The following SLC12A6 variants were observed in gnomAD, a reference collection of about 807,000 sequenced individuals.
SLC12A6 encodes solute carrier family 12 member 6.
Under a neutral mutation model 135.3 loss-of-function variants are expected in SLC12A6, and 66 were observed. That is an observed-to-expected ratio of 0.49 (90% CI 0.40 to 0.60). The LOEUF is 0.60. SLC12A6 is among the 20% of genes least tolerant of loss of function. The pLI, the probability that SLC12A6 is intolerant of heterozygous loss-of-function variation, is 0.00. For missense variants in SLC12A6, 1,058 were observed against 1,452.3 expected, an observed-to-expected ratio of 0.73 and a Z score of 4.41; for synonymous variants, 513 against 508.8, an observed-to-expected ratio of 1.01 and a Z score of -0.11.
At chr15:34,267,943 T>C (rs1056210403) in intron 3 of SLC12A6, among the ~76,000 whole-genome samples, 3 of 152,164 alleles carry the variant, frequency 2.0e-5, no homozygotes, top group Non-Finnish European at 4.4e-5. Flanking sequence ...TTTTCTAGAA[T>C]TTCCATTTAT....
intron 2 of SLC12A6, among the ~76,000 whole-genome samples, chr15:34,332,169 T>C (rs1229931984): frequency 6.6e-6 from 1 of 152,258 alleles, no homozygotes; most frequent in East Asian, 1.9e-4. Context: ...TACAGCATTA[T>C]AATTTATATA....
intron 18 of SLC12A6, 134 bp from the exon 19 acceptor site, chr15:34,240,963 G>A (rs1891604185): frequency 1.3e-6 from 1 of 748,816 alleles, no homozygotes; most frequent in African/African-American, 1.7e-5. Context: ...GAGATCACAG[G>A]AGATGACAGG....
intron 3 of SLC12A6, among the ~76,000 whole-genome samples, chr15:34,265,363 T>TA (rs1893429224): frequency 6.8e-6 from 1 of 146,098 alleles, no homozygotes; most frequent in South Asian, 2.1e-4. Context: ...ATACTGAAGT[T>TA]ACAGAAGACA....
intron 2 of SLC12A6, among the ~76,000 whole-genome samples, chr15:34,316,096 CT>C (rs1427616555): frequency 6.7e-6 from 1 of 149,210 alleles, no homozygotes; most frequent in Non-Finnish European, 1.5e-5. Flanking sequence ...AATTCCTCAT[CT>C]GTCCCGTTCA....
At chr15:34,308,304 T>C (rs111681827) in intron 2 of SLC12A6, among the ~76,000 whole-genome samples, 1,814 of 152,174 alleles carry the variant, frequency 0.012, 15 homozygotes, top group Middle Eastern at 0.037. Context: ...TTCCTAGAAA[T>C]GTGAGGAGTG....
chr15:34,336,144 T>C (rs921460583), intron 2 of SLC12A6, among the ~76,000 whole-genome samples: 6 of 152,194 alleles, frequency 3.9e-5, no homozygotes, highest in African/African-American at 9.7e-5. Flanking sequence ...ACCCATTTCA[T>C]TTCTAAGAAG....
At chr15:34,281,831 G>T (rs1894702516) in intron 2 of SLC12A6, among the ~76,000 whole-genome samples, 1 of 152,066 alleles carries the variant, frequency 6.6e-6, no homozygotes, top group Non-Finnish European at 1.5e-5. Context: ...GCAATTTTAG[G>T]CAAAGTAATT....
chr15:34,291,994 C>A (rs1451372729), intron 2 of SLC12A6, among the ~76,000 whole-genome samples: 1 of 152,148 alleles, frequency 6.6e-6, no homozygotes, highest in Non-Finnish European at 1.5e-5. Flanking sequence ...GTCAACCTGT[C>A]AAACTCATTC....
intron 16 of SLC12A6, among the ~76,000 whole-genome samples, chr15:34,242,543 GA>G (rs1403415550): frequency 6.6e-6 from 1 of 152,108 alleles, no homozygotes; most frequent in African/African-American, 2.4e-5. Flanking sequence ...CCAACTGCTG[GA>G]AAACCATATA....
chr15:34,261,507 A>T (rs1346711259), intron 3 of SLC12A6, among the ~76,000 whole-genome samples: 1 of 152,180 alleles, frequency 6.6e-6, no homozygotes, highest in Non-Finnish European at 1.5e-5. Flanking sequence ...CACGTTGGCC[A>T]GGCTGGTCTC....
intron 2 of SLC12A6, among the ~76,000 whole-genome samples, chr15:34,282,436 C>G (rs981680749): frequency 3.3e-5 from 5 of 152,128 alleles, no homozygotes; most frequent in Non-Finnish European, 7.3e-5. Context: ...TGAACTAATT[C>G]CTATCAATAT....
chr15:34,302,104 T>C (rs940834531), intron 2 of SLC12A6, among the ~76,000 whole-genome samples: 7 of 152,224 alleles, frequency 4.6e-5, no homozygotes, highest in Non-Finnish European at 7.3e-5. Context: ...TAGTTATACT[T>C]CTAATTCACA....
At chr15:34,292,967 T>C (rs953678691) in intron 2 of SLC12A6, among the ~76,000 whole-genome samples, 1 of 152,170 alleles carries the variant, frequency 6.6e-6, no homozygotes, top group African/African-American at 2.4e-5. Context: ...CCCTTGTGCT[T>C]CCTGGGTGAA....
At chr15:34,301,186 C>G (rs1415412862) in intron 2 of SLC12A6, among the ~76,000 whole-genome samples, 2 of 152,104 alleles carry the variant, frequency 1.3e-5, no homozygotes, top group African/African-American at 2.4e-5. Context: ...TCAGGCTGGT[C>G]TTGAACTCCT....
chr15:34,324,576 CATAAT>C (rs1288357934), intron 2 of SLC12A6, among the ~76,000 whole-genome samples: 1 of 151,968 alleles, frequency 6.6e-6, no homozygotes, highest in African/African-American at 2.4e-5. Flanking sequence ...GCTCAGAACT[CATAAT>C]AACCACTGTT....
At chr15:34,276,308 A>G (rs11630291) in intron 2 of SLC12A6, among the ~76,000 whole-genome samples, 14,905 of 152,250 alleles carry the variant, frequency 0.098, 813 homozygotes, top group South Asian at 0.15. Flanking sequence ...ACATAAATAA[A>G]GCACTTATTA....
chr15:34,265,508 A>T (rs1486337536), intron 3 of SLC12A6, among the ~76,000 whole-genome samples: 1 of 152,172 alleles, frequency 6.6e-6, no homozygotes, highest in Non-Finnish European at 1.5e-5. Flanking sequence ...GTACTGGGAG[A>T]GACTGTGACT....
At chr15:34,284,737 T>C (rs1411214390) in intron 2 of SLC12A6, among the ~76,000 whole-genome samples, 1 of 152,116 alleles carries the variant, frequency 6.6e-6, no homozygotes, top group Non-Finnish European at 1.5e-5. Context: ...CAGTAACCTA[T>C]GTCAAGAACA....
intron 9 of SLC12A6, among the ~76,000 whole-genome samples, chr15:34,253,733 C>T (rs759571233): frequency 5.3e-5 from 8 of 152,232 alleles, no homozygotes; most frequent in Non-Finnish European, 1.2e-4. Context: ...ACAAATAACA[C>T]TGAGTGCCAG....
Sources: allele counts gnomAD v4.1 joint callset (sites outside exome capture counted in the v4.1 genomes callset), GRCh38; gene constraint gnomAD v4.1.1; transcripts MANE v1.5; gene names NCBI Gene and HGNC (gene_info 2026-07-23, HGNC 2026-07-21).